Variants in LRRK1 observed in about 807,000 individuals in gnomAD.
The protein encoded by LRRK1 is leucine-rich repeat serine/threonine-protein kinase 1.
LRRK1 carries 113 observed loss-of-function variants against 209.1 expected under a neutral mutation model. That is an observed-to-expected ratio of 0.54 (90% CI 0.46 to 0.63). LRRK1 has a LOEUF of 0.63. LRRK1 is among the 30% of genes least tolerant of loss of function. LRRK1 has a pLI of 0.00. For synonymous variants in LRRK1, 1,144 were observed against 1,099.7 expected (o/e 1.04, Z -0.80); for missense variants, 2,284 against 2,632.2 (o/e 0.87, Z 2.89).
Position 101,074,255 on chromosome 15 carries a change from A to G in LRRK1, c.*5407A>G, listed in dbSNP as rs1404418584. On this transcript the variant is annotated 3_prime_UTR_variant, in exon 34 of 34. Coordinates refer to ENST00000388948, the MANE Select transcript of LRRK1 (RefSeq NM_024652.6). ...CCGAGCTAGGTCCCAATTCTTCCTC[A>G]GCCTCCGCTCCTCCACCATATAATC... The G allele has an allele frequency of 6.6e-6, 1 of 151,994 alleles. No individual in the cohort carries two copies. The highest frequency in any genetic ancestry group is 1.5e-5 in the Non-Finnish European group (1 of 68,024). The allele number at this position is 151,994 out of a possible 1,614,324, so 9.4% of individuals were successfully genotyped here.
At position 101,021,080 on chromosome 15, in the gene LRRK1, T is replaced by C. The variant is rs2033761084; in HGVS notation, c.1637T>C (p.Leu546Pro). ...AGTGTGCTGGAATTTCCGGCCTTCC[T>C]AAGTGAGTCTTTGGAAGTCCTTTGC... ...AASVLEFPAF[L>P]SESLEVLCLN... The change falls in exon 13 of 34, where the codon CTA becomes CCA. Residue 546 changes from leucine (L) to proline (P), a missense_variant. This residue lies in a region of LRRK1 where 494 missense variants were observed against 522.1 expected (regional missense o/e 0.95). Transcript: ENST00000388948. 3.7e-6 allele frequency: 6 copies of C among 1,614,204 alleles called. No individual in the cohort carries two copies. The highest frequency in any genetic ancestry group is 5.1e-6 in the Non-Finnish European group (6 of 1,180,006).
At chr15:101,056,586 G>A (rs28413606) in intron 27 of LRRK1, among the ~76,000 whole-genome samples, 1,568 of 152,248 alleles carry the variant, frequency 0.01, 26 homozygotes, top group African/African-American at 0.031. Context: ...GAGAAGAATG[G>A]ATAAATGTAC....
At chr15:100,956,796 C>T (rs1204917801) in intron 2 of LRRK1, among the ~76,000 whole-genome samples, 1 of 152,046 alleles carries the variant, frequency 6.6e-6, no homozygotes, top group African/African-American at 2.4e-5. Flanking sequence ...GTCTCTATTT[C>T]GTTTATTTCT....
chr15:100,954,435 C>G (rs1168829514), intron 2 of LRRK1, among the ~76,000 whole-genome samples: 3 of 152,208 alleles, frequency 2.0e-5, no homozygotes, highest in East Asian at 3.9e-4. Flanking sequence ...GCAATATTTT[C>G]TCTCATTCCA....
intron 2 of LRRK1, among the ~76,000 whole-genome samples, chr15:100,944,461 A>G (rs2042500308): frequency 6.6e-6 from 1 of 152,162 alleles, no homozygotes; most frequent in African/African-American, 2.4e-5. Context: ...GTTCAGCATT[A>G]TCTTTTACAA....
intron 2 of LRRK1, among the ~76,000 whole-genome samples, chr15:100,943,972 C>T (rs2042491790): frequency 6.6e-6 from 1 of 152,130 alleles, no homozygotes; most frequent in Admixed American, 6.5e-5. Context: ...GCCACCACAC[C>T]CGGTCGTGAT....
chr15:100,920,426 C>T (rs1160843073), intron 1 of LRRK1, among the ~76,000 whole-genome samples: 1 of 152,220 alleles, frequency 6.6e-6, no homozygotes, highest in African/African-American at 2.4e-5. Context: ...ATTTGATTCT[C>T]TTCATCTTTG....
chr15:100,942,200 G>A (rs914535114), intron 2 of LRRK1, among the ~76,000 whole-genome samples: 3 of 152,158 alleles, frequency 2.0e-5, no homozygotes, highest in Non-Finnish European at 4.4e-5. Context: ...GTCAAGAACC[G>A]GCTCTACAGT....
intron 12 of LRRK1, among the ~76,000 whole-genome samples, chr15:101,019,728 A>T (rs931091038): frequency 6.6e-6 from 1 of 152,168 alleles, no homozygotes; most frequent in African/African-American, 2.4e-5. Flanking sequence ...AGGGAACCCT[A>T]TGAGAGGGCT....
intron 2 of LRRK1, among the ~76,000 whole-genome samples, chr15:100,932,233 G>A (rs1337534887): frequency 3.9e-5 from 6 of 152,138 alleles, no homozygotes; most frequent in African/African-American, 7.2e-5. Flanking sequence ...TGATCCACTC[G>A]TCTCGGCCTC....
intron 2 of LRRK1, among the ~76,000 whole-genome samples, chr15:100,953,101 A>G (rs1301644659): frequency 6.6e-6 from 1 of 152,180 alleles, no homozygotes; most frequent in Non-Finnish European, 1.5e-5. Flanking sequence ...CACATCTACC[A>G]TTTCACATAA....
intron 33 of LRRK1, chr15:101,067,423 GT>G: frequency 3.2e-5 from 1 of 31,386 alleles, no homozygotes; most frequent in Non-Finnish European, 8.7e-5. Context: ...CAGTTCAAAT[GT>G]GTGTGTGTGT....
chr15:100,962,522 C>G (rs998499871), intron 2 of LRRK1, among the ~76,000 whole-genome samples: 17 of 151,818 alleles, frequency 1.1e-4, no homozygotes, highest in African/African-American at 4.1e-4. Context: ...AGAGTGAGAC[C>G]TTGTCTTAAA....
In LRRK1 at chr15:101,014,390, G is replaced by A. The variant is rs1397743836; in HGVS notation, c.1494G>A (p.Gln498=). The A allele has an allele frequency of 6.2e-7, 1 of 1,613,986 alleles. No individual in the cohort carries two copies. Among genetic ancestry groups the A allele is most frequent in the Non-Finnish European group, 8.5e-7 (1 of 1,179,930 alleles). Residue 498 remains glutamine (Q), a synonymous_variant, in exon 11 of 34, where the codon CAG becomes CAA. Coordinates refer to ENST00000388948, the MANE Select transcript of LRRK1 (RefSeq NM_024652.6). Reference sequence around the variant, plus strand: ...CTCAAGAGAAGTGGACCTGCAGGCAGCTCAAAACCCTGGATCTCTCCAGAA... The same window carrying A: ...CTCAAGAGAAGTGGACCTGCAGGCAACTCAAAACCCTGGATCTCTCCAGAA... ...LPPQEKWTCR[Q]LKTLDLSRNQ...
chr15:100,957,205 G>T (rs1334782766), intron 2 of LRRK1, among the ~76,000 whole-genome samples: 1 of 152,018 alleles, frequency 6.6e-6, no homozygotes, highest in African/African-American at 2.4e-5. Flanking sequence ...TTGTTTTATG[G>T]CCCAACATAT....
chr15:100,926,995 AT>A (rs775657427), intron 2 of LRRK1, among the ~76,000 whole-genome samples: 2 of 152,140 alleles, frequency 1.3e-5, no homozygotes, highest in East Asian at 3.9e-4. Context: ...AGCATGGCTA[AT>A]TTTTCAAAGT....
At chr15:101,060,718 C>G (rs2036117381) in intron 29 of LRRK1, among the ~76,000 whole-genome samples, 1 of 152,164 alleles carries the variant, frequency 6.6e-6, no homozygotes, top group Non-Finnish European at 1.5e-5. Context: ...AGCCAAGGCT[C>G]TCGCAAATGA....
intron 2 of LRRK1, among the ~76,000 whole-genome samples, chr15:100,960,889 C>G (rs775249115): frequency 1.3e-5 from 2 of 152,172 alleles, no homozygotes; most frequent in Non-Finnish European, 2.9e-5. Flanking sequence ...TCCATTTCCT[C>G]TCCGTTTTTT....
intron 2 of LRRK1, among the ~76,000 whole-genome samples, chr15:100,925,978 G>A (rs1267497167): frequency 1.3e-5 from 2 of 152,192 alleles, no homozygotes; most frequent in East Asian, 1.9e-4. Context: ...GTTAACTAAC[G>A]ATCGGCCACT....
Sources: gnomAD v4.1 joint callset for allele counts (sites outside exome capture counted in the v4.1 genomes callset) on GRCh38, gnomAD v4.1.1 for gene constraint, gnomAD v4.1.1 regional missense constraint, MANE v1.5 for transcripts, NCBI Gene and HGNC (gene_info 2026-07-23, HGNC 2026-07-21) for gene names.